Variants in ADGRB3 observed in about 807,000 individuals in gnomAD.
ADGRB3 encodes brain-specific angiogenesis inhibitor 3.
A neutral mutation model predicts 193.4 loss-of-function variants in ADGRB3; 37 were observed. The ratio of observed to expected loss-of-function variants is 0.19; its 90% CI spans 0.15 to 0.25. The LOEUF (loss-of-function observed/expected upper bound fraction) is 0.25. Ranked by LOEUF, ADGRB3 falls within the 10% of genes least tolerant of loss-of-function variation. ADGRB3 has a pLI of 1.00. For synonymous variants in ADGRB3, 690 were observed against 644.2 expected (o/e 1.07, Z -1.08); for missense variants, 1,637 against 1,852.9 (o/e 0.88, Z 2.14).
intron 3 of ADGRB3, among the ~76,000 whole-genome samples, chr6:68,748,402 A>G (rs1201893573): frequency 6.6e-6 from 1 of 152,160 alleles, no homozygotes; most frequent in Non-Finnish European, 1.5e-5. Context: ...GCCATTCCAA[A>G]TGGGAGAAAT....
intron 3 of ADGRB3, among the ~76,000 whole-genome samples, chr6:68,805,514 T>A (rs967776360): frequency 5.9e-5 from 9 of 152,198 alleles, no homozygotes; most frequent in Non-Finnish European, 8.8e-5. Flanking sequence ...TTTACCTTAA[T>A]CCATAAAAGA....
At chr6:68,729,051 G>A (rs1765724918) in intron 3 of ADGRB3, among the ~76,000 whole-genome samples, 1 of 151,530 alleles carries the variant, frequency 6.6e-6, no homozygotes, top group East Asian at 1.9e-4. Flanking sequence ...ACATAAGATA[G>A]AATAATACAA....
chr6:68,958,864 A>AC (rs1321873039), intron 8 of ADGRB3, among the ~76,000 whole-genome samples: 2 of 75,076 alleles, frequency 2.7e-5, no homozygotes, highest in Admixed American at 3.0e-4. Context: ...AGGGGCAAAG[A>AC]AAAATAGTGT....
At chr6:69,228,889 ACTTT>A (rs79962322) in intron 17 of ADGRB3, among the ~76,000 whole-genome samples, 21,479 of 152,138 alleles carry the variant, frequency 0.14, 1,559 homozygotes, top group Middle Eastern at 0.16. Context: ...ACTAAACTTC[ACTTT>A]CTTTATCTAT....
At chr6:68,717,346 A>G (rs1765505845) in intron 3 of ADGRB3, among the ~76,000 whole-genome samples, 4 of 151,764 alleles carry the variant, frequency 2.6e-5, no homozygotes, top group Non-Finnish European at 4.4e-5. Flanking sequence ...TTCAAATTAT[A>G]TTCAATAAAA....
chr6:69,032,504 A>T (rs1310234129), intron 13 of ADGRB3, among the ~76,000 whole-genome samples: 1 of 152,234 alleles, frequency 6.6e-6, no homozygotes, highest in East Asian at 1.9e-4. Flanking sequence ...GCTCATCTCT[A>T]TGGAAATAGT....
chr6:68,763,371 T>C (rs1048695500), intron 3 of ADGRB3, among the ~76,000 whole-genome samples: 1 of 152,244 alleles, frequency 6.6e-6, no homozygotes, highest in African/African-American at 2.4e-5. Flanking sequence ...GTTACAGGCA[T>C]CAGCCACTGT....
chr6:68,808,748 A>G (rs1404462402), intron 3 of ADGRB3, among the ~76,000 whole-genome samples: 2 of 152,134 alleles, frequency 1.3e-5, no homozygotes, highest in Admixed American at 6.5e-5. Context: ...GGAGGAGGAA[A>G]AAAGGGGGAG....
At chr6:69,035,539 A>C (rs1458633462) in intron 13 of ADGRB3, among the ~76,000 whole-genome samples, 1 of 152,148 alleles carries the variant, frequency 6.6e-6, no homozygotes, top group East Asian at 1.9e-4. Context: ...ATAGAGGAAG[A>C]AGTTAGAGAC....
At chr6:69,071,717 A>AT (rs1357833919) in intron 16 of ADGRB3, among the ~76,000 whole-genome samples, 1 of 152,194 alleles carries the variant, frequency 6.6e-6, no homozygotes, top group Admixed American at 6.5e-5. Flanking sequence ...ATGTCAACAA[A>AT]TACTATTTAT....
intron 17 of ADGRB3, among the ~76,000 whole-genome samples, chr6:69,139,700 G>A (rs17432036): frequency 0.12 from 18,873 of 152,062 alleles, 1,239 homozygotes; most frequent in Middle Eastern, 0.29. Context: ...TGACAAATGG[G>A]GAGATAGGTT....
chr6:69,168,961 TATA>T (rs1322289676), intron 17 of ADGRB3, among the ~76,000 whole-genome samples: 1 of 152,130 alleles, frequency 6.6e-6, no homozygotes, highest in Non-Finnish European at 1.5e-5. Flanking sequence ...ATTCTTGCTT[TATA>T]ATATTTACCA....
intron 3 of ADGRB3, among the ~76,000 whole-genome samples, chr6:68,754,102 G>A (rs1380126023): frequency 2.0e-5 from 3 of 152,130 alleles, no homozygotes; most frequent in Admixed American, 6.5e-5. Flanking sequence ...CATTTAGTTA[G>A]CAAGCAAGAT....
At position 69,361,371 on chromosome 6, in the gene ADGRB3, T is replaced by A. The variant is rs1257126800; in HGVS notation, c.4098T>A (p.His1366Gln). Residue 1366 changes from histidine to glutamine, a missense_variant, in exon 29 of 32, where the codon CAT becomes CAA. Around this residue, in one of 7 missense-constraint regions of ADGRB3, gnomAD observed 368 missense variants for 367.4 expected, o/e 1.00. Transcript: ENST00000370598. Reference sequence around the variant, plus strand: ...AGTTCAATATGAACTTAGAGCAACATCTCGCACCCCAGGAACATATGCAGA... The same window carrying A: ...AGTTCAATATGAACTTAGAGCAACAACTCGCACCCCAGGAACATATGCAGA... ...MDQFNMNLEQ[H>Q]LAPQEHMQNL... is the part of the protein sequence containing the mutation. 1 of 1,612,912 alleles carries A rather than the reference T, an allele frequency of 6.2e-7. No individual in the cohort carries two copies. The highest frequency in any genetic ancestry group is 8.5e-7 in the Non-Finnish European group (1 of 1,179,262).
At chr6:68,875,079 CTTCT>C (rs1397698318) in intron 3 of ADGRB3, among the ~76,000 whole-genome samples, 1 of 125,010 alleles carries the variant, frequency 8.0e-6, no homozygotes. Flanking sequence ...TTCTTTCTTT[CTTCT>C]TTCATTTCTT....
intron 17 of ADGRB3, among the ~76,000 whole-genome samples, chr6:69,097,147 T>C (rs1772903653): frequency 6.6e-6 from 1 of 152,200 alleles, no homozygotes; most frequent in South Asian, 2.1e-4. Context: ...TTCAATAATA[T>C]TTAAAGAAAG....
intron 3 of ADGRB3, among the ~76,000 whole-genome samples, chr6:68,667,722 G>T (rs1389587911): frequency 6.6e-6 from 1 of 151,552 alleles, no homozygotes; most frequent in East Asian, 1.9e-4. Flanking sequence ...TTATAACAAG[G>T]CCAGCCCAGA....
Position 68,762,252 on chromosome 6 carries a change from T to A in ADGRB3, c.757+122820T>A, listed in dbSNP as rs186640070. ...TTCTCCCTAACTTTCTCTTCTTTTC[T>A]CCTCATTCTCTCTCTCAGTTTTCTG... is the stretch of plus-strand genomic sequence containing the variant. On this transcript the variant is annotated intron_variant, in intron 3 of 31. Transcript: ENST00000370598. Among the ~76,000 whole-genome samples, 184 of 152,272 alleles carry A rather than the reference T, an allele frequency of 1.2e-3. 9 individuals are homozygous for A. The highest frequency in any genetic ancestry group is 0.012 in the Admixed American group (181 of 15,286).
intron 3 of ADGRB3, among the ~76,000 whole-genome samples, chr6:68,894,423 G>T (rs1035326232): frequency 2.0e-5 from 3 of 151,860 alleles, no homozygotes; most frequent in Non-Finnish European, 4.4e-5. Flanking sequence ...GAGTTACAAG[G>T]TATATGTCAA....
Sources: allele counts gnomAD v4.1 joint callset (sites outside exome capture counted in the v4.1 genomes callset), GRCh38; gene constraint gnomAD v4.1.1; regional missense constraint gnomAD v4.1.1; transcripts MANE v1.5; gene names NCBI Gene and HGNC (gene_info 2026-07-23, HGNC 2026-07-21).